PCCB: variants seen among roughly 807,000 people sequenced by gnomAD.
The protein encoded by PCCB is propionyl-CoA carboxylase subunit beta.
A neutral mutation model predicts 60.7 loss-of-function variants in PCCB; 43 were observed. The observed-to-expected ratio is 0.71, with a 90% CI of 0.55 to 0.91. PCCB has a LOEUF of 0.91. Among genes scored for constraint, PCCB ranks in the 40% least tolerant of loss-of-function variants. PCCB has a pLI of 0.00. For synonymous variants in PCCB, 276 were observed against 255.9 expected (o/e 1.08, Z -0.75); for missense variants, 766 against 702.8 (o/e 1.09, Z -1.02).
Position 136,250,357 on chromosome 3 carries a change from A to C in PCCB, c.-19A>C, listed in dbSNP as rs916034311. ...GCGTACTCAGGTGCGCCGGTAGGGG[A>C]CGCGCCGGCACAGCAAAAATGGCGG... On this transcript the variant is annotated 5_prime_UTR_variant, in exon 1 of 15. Coordinates refer to ENST00000251654, the MANE Select transcript of PCCB (RefSeq NM_000532.5). 1.3e-6 allele frequency: 2 copies of C among 1,495,684 alleles called. No homozygotes were observed. The highest frequency in any genetic ancestry group is 1.4e-5 in the African/African-American group (1 of 71,674). The allele number at this position is 1,495,684 out of a possible 1,614,324, so 92.7% of individuals were successfully genotyped here. A position where few individuals can be genotyped will look rare whatever the true frequency, so the allele number is the denominator to read the frequency against.
intron 6 of PCCB, among the ~76,000 whole-genome samples, chr3:136,285,598 A>G (rs1247802076): frequency 2.0e-5 from 3 of 151,542 alleles, no homozygotes; most frequent in African/African-American, 4.9e-5. Flanking sequence ...CTGTAAATGC[A>G]GTTTAACTCT....
At chr3:136,285,176 A>G (rs190162181) in intron 6 of PCCB, among the ~76,000 whole-genome samples, 2 of 151,532 alleles carry the variant, frequency 1.3e-5, no homozygotes, top group African/African-American at 2.4e-5. Context: ...TACTAAGTCT[A>G]TATATACACA....
intron 5 of PCCB, among the ~76,000 whole-genome samples, chr3:136,279,881 T>A (rs1032490534): frequency 1.3e-5 from 2 of 152,114 alleles, no homozygotes; most frequent in African/African-American, 2.4e-5. Context: ...TTAGCCAGGA[T>A]GGTCTCGATC....
chr3:136,294,403 C>T (rs968145220), intron 7 of PCCB, among the ~76,000 whole-genome samples: 2 of 151,936 alleles, frequency 1.3e-5, no homozygotes, highest in Admixed American at 1.3e-4. Context: ...CCTCCGCCTC[C>T]CAGGCTCAAG....
At chr3:136,290,328 A>G (rs571480761) in intron 6 of PCCB, among the ~76,000 whole-genome samples, 1 of 152,076 alleles carries the variant, frequency 6.6e-6, no homozygotes, top group Non-Finnish European at 1.5e-5. Flanking sequence ...TTTCCCCTCA[A>G]CACTTTAAAT....
At chr3:136,260,921 C>T (rs73222261) in intron 4 of PCCB, among the ~76,000 whole-genome samples, 1 of 152,166 alleles carries the variant, frequency 6.6e-6, no homozygotes, top group African/African-American at 2.4e-5. Context: ...TCTGCAACAA[C>T]TTTAATAGGA....
intron 7 of PCCB, among the ~76,000 whole-genome samples, chr3:136,294,318 T>G (rs1312195599): frequency 6.6e-6 from 1 of 151,310 alleles, no homozygotes; most frequent in Non-Finnish European, 1.5e-5. Context: ...AGTTGTTAAC[T>G]TCTTTTTTTT....
chr3:136,270,826 T>C (rs376571885), intron 5 of PCCB, among the ~76,000 whole-genome samples: 2 of 152,164 alleles, frequency 1.3e-5, no homozygotes, highest in Non-Finnish European at 2.9e-5. Context: ...TTTTTAATTA[T>C]GGCCGTTTTT....
At chr3:136,283,732 T>C (rs1193382671) in intron 5 of PCCB, 105 bp from the exon 6 acceptor site, 1 of 780,138 alleles carries the variant, frequency 1.3e-6, no homozygotes, top group African/African-American at 1.7e-5. Flanking sequence ...ATAGAATTTC[T>C]GTGGGAAAAA....
At chr3:136,297,371 G>A (rs186129216) in intron 7 of PCCB, among the ~76,000 whole-genome samples, 1 of 152,264 alleles carries the variant, frequency 6.6e-6, no homozygotes. Context: ...TCTTGGCTCC[G>A]CTTTCTCCAT....
chr3:136,263,173 T>C (rs1055086483), intron 5 of PCCB, among the ~76,000 whole-genome samples: 2 of 151,656 alleles, frequency 1.3e-5, no homozygotes, highest in African/African-American at 2.4e-5. Flanking sequence ...CAGGTTGGTC[T>C]CGAACTCCTG....
chr3:136,328,860 AG>A lies in PCCB; in HGVS notation c.1498+7del. 2 of 1,609,392 alleles carry A rather than the reference AG, an allele frequency of 1.2e-6. No homozygotes were observed. Among genetic ancestry groups the A allele is most frequent in the Non-Finnish European group, 1.7e-6 (2 of 1,175,620 alleles). ...CCCTTTCCCTGCAGCAGTGCGAGGT[AG>A]GGGACTGTGGTGAAGAGGGCAGCTT... On this transcript the variant is annotated splice_donor_region_variant and intron_variant, in intron 14 of 14. Transcript: ENST00000251654.
At chr3:136,253,215 G>C (rs548222884) in intron 1 of PCCB, among the ~76,000 whole-genome samples, 1 of 150,072 alleles carries the variant, frequency 6.7e-6, no homozygotes, top group South Asian at 2.1e-4. Flanking sequence ...TCAGCCTCCT[G>C]AGTAGCTGGG....
At chr3:136,292,425 C>A (rs184393814) in intron 6 of PCCB, among the ~76,000 whole-genome samples, 18 of 152,122 alleles carry the variant, frequency 1.2e-4, no homozygotes, top group Admixed American at 1.0e-3. Context: ...ATAAAAAAGC[C>A]AATGATGTAT....
chr3:136,298,807 C>G (rs760210871), intron 8 of PCCB, among the ~76,000 whole-genome samples: 1 of 152,212 alleles, frequency 6.6e-6, no homozygotes, highest in East Asian at 1.9e-4. Context: ...CCTGGACTTT[C>G]TTCTGCAGAA....
At chr3:136,268,099 T>TATATATATATGTATATATAC (rs1942074466) in intron 5 of PCCB, among the ~76,000 whole-genome samples, 1 of 113,660 alleles carries the variant, frequency 8.8e-6, no homozygotes, top group Non-Finnish European at 1.7e-5. Context: ...TATATATATA[T>TATATATATATGTATATATAC]ATATATATAT....
At chr3:136,265,050 C>T (rs946353868) in intron 5 of PCCB, among the ~76,000 whole-genome samples, 1 of 151,774 alleles carries the variant, frequency 6.6e-6, no homozygotes, top group African/African-American at 2.4e-5. Context: ...AAAAATTAGG[C>T]GGGCGTGATG....
rs148931677 is a variant in PCCB, at chr3:136,302,106, A to T, written c.966+995A>T. On this transcript the variant is annotated intron_variant, in intron 9 of 14. Transcript: ENST00000251654. ...ATCTCTTTGCACCTCTGTGATCAGAAGCAGCAGTCAGCAAGCACAGATTCT... is the reference window on the plus strand; with the variant it reads ...ATCTCTTTGCACCTCTGTGATCAGATGCAGCAGTCAGCAAGCACAGATTCT... Among the ~76,000 whole-genome samples, 9 of 152,336 alleles carry T rather than the reference A, an allele frequency of 5.9e-5. No homozygotes were observed. The East Asian group carries it at 1.7e-3, about 29-fold the overall frequency.
At chr3:136,266,594 T>C (rs969991260) in intron 5 of PCCB, among the ~76,000 whole-genome samples, 4 of 152,324 alleles carry the variant, frequency 2.6e-5, no homozygotes, top group Non-Finnish European at 5.9e-5. Flanking sequence ...GTCCAGTCTT[T>C]TTGACTATAG....
Sources: gnomAD v4.1 joint callset for allele counts (sites outside exome capture counted in the v4.1 genomes callset) on GRCh38, gnomAD v4.1.1 for gene constraint, MANE v1.5 for transcripts, NCBI Gene and HGNC (gene_info 2026-07-23, HGNC 2026-07-21) for gene names.